Variants in RAB39B observed in about 807,000 individuals in gnomAD.
The protein encoded by RAB39B is RAB39B, member RAS oncogene family, also known as ras-related protein Rab-39B.
For missense variants in RAB39B, 68 were observed against 171.3 expected (o/e 0.40, Z 3.37); for synonymous variants, 63 against 67.5 (o/e 0.93, Z 0.33).
intron 1 of RAB39B, 135 bp downstream of exon 1, chrX:155,263,939 G>T: frequency 3.3e-6 from 2 of 611,762 alleles, no homozygotes; most frequent in Non-Finnish European, 2.6e-6. Context: ...CCGAAGGTGG[G>T]CTTCGGCAGA....
chrX:155,258,934 A>G lies in RAB39B; in HGVS notation c.*1869T>C, dbSNP rs1557313973. ...TGAAATGAATATAGAGAAGATGATC[A>G]GTTCACTTGTAGTTAATGCTGTGAA... On this transcript the variant is annotated 3_prime_UTR_variant, in exon 2 of 2. Transcript: ENST00000369454. 8.9e-6 allele frequency: 1 copy of G among 112,473 alleles called. No individual in the cohort carries two copies. 9.3% of individuals were successfully genotyped at this position (112,473 alleles called of 1,213,427 possible).
Position 155,260,909 on chromosome X carries a change from T to C in RAB39B, c.536A>G (p.Glu179Gly), listed in dbSNP as rs782746706. 1 of 1,210,496 alleles carries C rather than the reference T, an allele frequency of 8.3e-7. No homozygotes were observed. The highest frequency in any genetic ancestry group is 1.8e-5 in the South Asian group (1 of 56,916). The change falls in exon 2 of 2, where the codon GAG becomes GGG. Residue 179 changes from glutamate (E) to glycine (G), a missense_variant. Transcript: ENST00000369454. ...RDIYELVKRG[E>G]ITIQEGWEGV... ...TTCCCAGCCCTCCTGGATTGTAATC[T>C]CCCCCCTTTTAACCAGCTCATATAT...
rs782369215 is a variant in RAB39B at position 155,261,217 on chromosome X, G to A, written c.228C>T (p.Arg76=). 13 of 1,205,179 alleles carry A rather than the reference G, an allele frequency of 1.1e-5. No individual in the cohort carries two copies. Among genetic ancestry groups the A allele is most frequent in the Admixed American group, 2.2e-5 (1 of 46,022 alleles). Residue 76 remains arginine (R), a synonymous_variant, in exon 2 of 2, where the codon CGC becomes CGT. Transcript: ENST00000369454. ...AGQERFRSIT[R]AYYRNSVGGL... is the part of the protein sequence containing the mutation. Reference sequence around the variant, plus strand: ...CACCTACTGAGTTCCTGTAGTAGGCGCGAGTGATGGATCTAAAACACAAGA... The same window carrying A: ...CACCTACTGAGTTCCTGTAGTAGGCACGAGTGATGGATCTAAAACACAAGA...
At position 155,259,269 on chromosome X, in the gene RAB39B, A is replaced by T. The variant is rs1359893440; in HGVS notation, c.*1534T>A. The stretch of plus-strand genomic sequence containing the variant: ...GTAATTTAAAGCATCACCTCTCTTC[A>T]AGAAAATAATGGAAACTTCAAGCCA... On this transcript the variant is annotated 3_prime_UTR_variant, in exon 2 of 2. Transcript: ENST00000369454. 1.8e-5 allele frequency: 2 copies of T among 111,330 alleles called. No individual in the cohort carries two copies. The highest frequency in any genetic ancestry group is 5.6e-4 in the East Asian group (2 of 3,570). 9.2% of individuals were successfully genotyped at this position (111,330 alleles called of 1,213,427 possible). A position where few individuals can be genotyped will look rare whatever the true frequency, so the allele number is the denominator to read the frequency against.
At position 155,261,030 on chromosome X, in the gene RAB39B, C is replaced by T. The variant is rs1557314216; in HGVS notation, c.415G>A (p.Glu139Lys). 8.3e-7 allele frequency: 1 copy of T among 1,211,436 alleles called. No individual in the cohort carries two copies. Among genetic ancestry groups the T allele is most frequent in the Non-Finnish European group, 1.1e-6 (1 of 895,299 alleles). ...TQRQVTRHEAEKLAAAYGMKY... is the reference protein window; with the variant it reads ...TQRQVTRHEAKKLAAAYGMKY... ...ATGCCGTATGCAGCAGCCAGTTTCT[C>T]GGCCTCGTGGCGAGTCACTTGCCTC... Residue 139 changes from glutamate (E) to lysine (K), a missense_variant, in exon 2 of 2, where the codon GAG (glutamate) becomes AAG (lysine). Coordinates refer to ENST00000369454, the MANE Select transcript of RAB39B (RefSeq NM_171998.4).
At chrX:155,261,874 G>A (rs2124127656) in intron 1 of RAB39B, among the ~76,000 whole-genome samples, 1 of 107,775 alleles carries the variant, frequency 9.3e-6, no homozygotes, top group East Asian at 2.9e-4. Flanking sequence ...AGCTAACAGG[G>A]ATCCTCAATC....
At chrX:155,262,015 A>G (rs2074855607) in intron 1 of RAB39B, among the ~76,000 whole-genome samples, 1 of 111,394 alleles carries the variant, frequency 9.0e-6, no homozygotes, top group African/African-American at 3.3e-5. Context: ...AGAGAGGCCA[A>G]CTCAACTCAG....
At chrX:155,261,705 G>A (rs2074854425) in intron 1 of RAB39B, among the ~76,000 whole-genome samples, 1 of 111,756 alleles carries the variant, frequency 8.9e-6, no homozygotes, top group Non-Finnish European at 1.9e-5. Flanking sequence ...AATGCTAGCA[G>A]TTGAAACAGG....
In RAB39B at chrX:155,264,349, CGACGCCTCA is replaced by C; in HGVS notation, c.-70_-62del. 1 of 1,066,945 alleles carries C rather than the reference CGACGCCTCA, an allele frequency of 9.4e-7. No individual in the cohort carries two copies. Among genetic ancestry groups the C allele is most frequent in the South Asian group, 1.9e-5 (1 of 53,725 alleles). 87.9% of individuals were successfully genotyped at this position (1,066,945 alleles called of 1,213,427 possible). A position where few individuals can be genotyped will look rare whatever the true frequency, so the allele number is the denominator to read the frequency against. ...GGGACGGCGGGAGGGGGCGCCCCGC[CGACGCCTCA>C]GAGAGCGCGGCTCGGCAGGATCTAG... On this transcript the variant is annotated 5_prime_UTR_variant, in exon 1 of 2. Coordinates refer to ENST00000369454, the MANE Select transcript of RAB39B (RefSeq NM_171998.4).
At position 155,260,642 on chromosome X, in the gene RAB39B, C is replaced by G. The variant is rs2074850184; in HGVS notation, c.*161G>C. The stretch of plus-strand genomic sequence containing the variant: ...CCCTTGGTCACAGCACTCAGGCACC[C>G]CCATCCACCCGCACACGAGTCTGTC... On this transcript the variant is annotated 3_prime_UTR_variant, in exon 2 of 2. Coordinates refer to ENST00000369454, the MANE Select transcript of RAB39B (RefSeq NM_171998.4). The G allele has an allele frequency of 1.8e-6, 1 of 560,296 alleles. No individual in the cohort carries two copies. 46.2% of individuals were successfully genotyped at this position (560,296 alleles called of 1,213,427 possible). A position where few individuals can be genotyped will look rare whatever the true frequency, so the allele number is the denominator to read the frequency against.
rs2074849759 is a variant in RAB39B, at chrX:155,260,550, T to C, written c.*253A>G. On this transcript the variant is annotated 3_prime_UTR_variant, in exon 2 of 2. Coordinates refer to ENST00000369454, the MANE Select transcript of RAB39B (RefSeq NM_171998.4). Reference sequence around the variant, plus strand: ...TAACATGTGGTCCACAAAGGGCTCATGGAGCAGCCACTGCCTAGCATGGGC... The same window carrying C: ...TAACATGTGGTCCACAAAGGGCTCACGGAGCAGCCACTGCCTAGCATGGGC... 3 of 409,706 alleles carry C rather than the reference T, an allele frequency of 7.3e-6. No homozygotes were observed. In the South Asian group the frequency reaches 1.2e-4, roughly 16 times the overall value. 33.8% of individuals were successfully genotyped at this position (409,706 alleles called of 1,213,427 possible).
In RAB39B at chrX:155,264,109, G is replaced by A. The variant is rs782415718; in HGVS notation, c.180C>T (p.Leu60=). The part of the protein sequence containing the change: ...VEIEPGKRIK[L]QIWDTAGQER... ...CTTGACCCGCGGTATCCCAGATCTG[G>A]AGCTTGATGCGTTTTCCTGGCTCGA... Residue 60 remains leucine, a synonymous_variant, in exon 1 of 2, where the codon CTC becomes CTT. Transcript: ENST00000369454. The A allele has an allele frequency of 1.7e-6, 2 of 1,211,168 alleles. No homozygotes were observed. The highest frequency in any genetic ancestry group is 2.2e-6 in the Non-Finnish European group (2 of 895,277).
At chrX:155,263,882 C>A (rs2074860632) in intron 1 of RAB39B, among the ~76,000 whole-genome samples, 192 bp downstream of exon 1, 1 of 111,702 alleles carries the variant, frequency 9.0e-6, no homozygotes, top group Non-Finnish European at 1.9e-5. Flanking sequence ...TATTGACCGG[C>A]CTTCCCTGCC....
intron 1 of RAB39B, among the ~76,000 whole-genome samples, chrX:155,261,667 T>A (rs2074854250): frequency 9.0e-6 from 1 of 111,626 alleles, no homozygotes; most frequent in Admixed American, 9.5e-5. Context: ...GATATTAAAG[T>A]GTTCTGTGAC....
Position 155,264,376 on chromosome X carries a change from G to C in RAB39B, c.-88C>G. The C allele has an allele frequency of 1.1e-6, 1 of 901,119 alleles. No individual in the cohort carries two copies. Among genetic ancestry groups the C allele is most frequent in the Admixed American group, 2.3e-5 (1 of 44,378 alleles). 74.3% of individuals were successfully genotyped at this position (901,119 alleles called of 1,213,427 possible). A position where few individuals can be genotyped will look rare whatever the true frequency, so the allele number is the denominator to read the frequency against. ...ACGCCTCAGAGAGCGCGGCTCGGCA[G>C]GATCTAGCTCAGCCGCGAGCGCATC... On this transcript the variant is annotated 5_prime_UTR_variant, in exon 1 of 2. Coordinates refer to ENST00000369454, the MANE Select transcript of RAB39B (RefSeq NM_171998.4).
rs864309529 is a variant in RAB39B, at chrX:155,260,815, TCTC to T, written c.627_629del (p.Arg210del). The T allele has an allele frequency of 3.8e-5, 46 of 1,209,303 alleles. No homozygotes were observed. The highest frequency in any genetic ancestry group is 4.9e-5 in the Non-Finnish European group (44 of 894,372). ...ATAAAAGAACTGACTAGCACAAACA[TCTC>T]CTCTCTGATTTGACAACCTCTTCTG... On this transcript the variant is annotated inframe_deletion, in exon 2 of 2. Coordinates refer to ENST00000369454, the MANE Select transcript of RAB39B (RefSeq NM_171998.4).
At chrX:155,262,474 T>C (rs1443281219) in intron 1 of RAB39B, among the ~76,000 whole-genome samples, 1 of 112,421 alleles carries the variant, frequency 8.9e-6, no homozygotes, top group South Asian at 3.6e-4. Flanking sequence ...ACAAAGGTTT[T>C]GATTTGTGAG....
chrX:155,261,705 GT>G (rs1224219779), intron 1 of RAB39B, among the ~76,000 whole-genome samples: 3 of 111,756 alleles, frequency 2.7e-5, no homozygotes, highest in African/African-American at 3.3e-5. Flanking sequence ...AATGCTAGCA[GT>G]TGAAACAGGA....
intron 1 of RAB39B, among the ~76,000 whole-genome samples, chrX:155,263,020 G>T (rs1321236777): frequency 2.7e-5 from 3 of 112,223 alleles, no homozygotes; most frequent in Non-Finnish European, 1.9e-5. Flanking sequence ...GTTTTCAATA[G>T]ATAAATGAGT....
Sources: gnomAD v4.1 joint callset for allele counts (sites outside exome capture counted in the v4.1 genomes callset) on GRCh38, gnomAD v4.1.1 for gene constraint, MANE v1.5 for transcripts, NCBI Gene and HGNC (gene_info 2026-07-23, HGNC 2026-07-21) for gene names.